ROR2: variants seen among roughly 807,000 people sequenced by gnomAD.
The protein encoded by ROR2 is tyrosine-protein kinase transmembrane receptor ROR2.
In ROR2, 33 loss-of-function variants were observed where a neutral mutation model predicts 74.9. That is an observed-to-expected ratio of 0.44 (90% CI 0.33 to 0.59). The LOEUF (loss-of-function observed/expected upper bound fraction) is 0.59, where lower values mean the gene tolerates loss of function less well. Ranked by LOEUF, ROR2 falls within the 20% of genes least tolerant of loss-of-function variation. The pLI, the probability that ROR2 is intolerant of heterozygous loss-of-function variation, is 0.02. For synonymous variants in ROR2, 586 were observed against 558.7 expected (o/e 1.05, Z -0.69); for missense variants, 1,216 against 1,313.8 (o/e 0.93, Z 1.15).
chr9:91,788,347 CA>C (rs1243799067), intron 1 of ROR2, among the ~76,000 whole-genome samples: 1 of 152,140 alleles, frequency 6.6e-6, no homozygotes, highest in Non-Finnish European at 1.5e-5. Context: ...TTAATTTACA[CA>C]TTTGAGAAAC....
chr9:91,810,794 G>A (rs1827725766), intron 1 of ROR2, among the ~76,000 whole-genome samples: 1 of 152,172 alleles, frequency 6.6e-6, no homozygotes, highest in Non-Finnish European at 1.5e-5. Context: ...TGGAGTCTAC[G>A]TTTGCGGGTC....
intron 5 of ROR2, among the ~76,000 whole-genome samples, chr9:91,734,828 G>C (rs939739280): frequency 1.3e-5 from 2 of 152,216 alleles, no homozygotes; most frequent in African/African-American, 4.8e-5. Context: ...TGTCCTGATT[G>C]TGTGCAGGCA....
chr9:91,811,322 C>G (rs1827744919), intron 1 of ROR2, among the ~76,000 whole-genome samples: 1 of 152,212 alleles, frequency 6.6e-6, no homozygotes, highest in Admixed American at 6.5e-5. Flanking sequence ...TGGGGACATC[C>G]TTTTGTGTGG....
chr9:91,910,344 C>T (rs1564032714), intron 1 of ROR2, among the ~76,000 whole-genome samples: 1 of 152,200 alleles, frequency 6.6e-6, no homozygotes, highest in Admixed American at 6.5e-5. Flanking sequence ...GGGCTTATTA[C>T]TACTATTACT....
chr9:91,885,547 C>T (rs1830245927), intron 1 of ROR2, among the ~76,000 whole-genome samples: 1 of 152,174 alleles, frequency 6.6e-6, no homozygotes, highest in Admixed American at 6.5e-5. Context: ...TGACATGGGA[C>T]CTAAGGGAAG....
intron 1 of ROR2, among the ~76,000 whole-genome samples, chr9:91,927,822 C>T (rs1451807122): frequency 1.3e-5 from 2 of 152,136 alleles, no homozygotes; most frequent in Non-Finnish European, 1.5e-5. Flanking sequence ...CCTCGGCCTC[C>T]CAAAGTGCTA....
intron 1 of ROR2, among the ~76,000 whole-genome samples, chr9:91,937,029 C>CAAAAAAAAAAAAAAAAAAA (rs540672189): frequency 7.6e-5 from 5 of 65,658 alleles, no homozygotes; most frequent in South Asian, 6.7e-4. Flanking sequence ...GACTCCGTCT[C>CAAAAAAAAAAAAAAAAAAA]AAAAAAAAAA....
chr9:91,767,197 C>T (rs1380924857), intron 2 of ROR2, among the ~76,000 whole-genome samples: 1 of 152,096 alleles, frequency 6.6e-6, no homozygotes, highest in Non-Finnish European at 1.5e-5. Context: ...GCCTCAGCCT[C>T]CCGAGTAGCT....
At chr9:91,922,650 T>G (rs954530101) in intron 1 of ROR2, among the ~76,000 whole-genome samples, 1 of 152,258 alleles carries the variant, frequency 6.6e-6, no homozygotes, top group African/African-American at 2.4e-5. Flanking sequence ...AGACAGGATT[T>G]CACCATGTTA....
chr9:91,745,426 AT>A (rs72432798), intron 4 of ROR2, among the ~76,000 whole-genome samples: 242 of 99,734 alleles, frequency 2.4e-3, no homozygotes, highest in African/African-American at 7.9e-3. Flanking sequence ...TGCCCAGCCT[AT>A]TTTTTTTTTT....
At chr9:91,759,429 G>A (rs1825850209) in intron 2 of ROR2, among the ~76,000 whole-genome samples, 2 of 152,296 alleles carry the variant, frequency 1.3e-5, no homozygotes, top group South Asian at 4.1e-4. Context: ...ACAACATAAA[G>A]CTGGAAGGTC....
chr9:91,835,424 T>G (rs1828582561), intron 1 of ROR2, among the ~76,000 whole-genome samples: 2 of 152,144 alleles, frequency 1.3e-5, no homozygotes, highest in African/African-American at 4.8e-5. Context: ...CCCCCAGCCC[T>G]CATTCCATAT....
At chr9:91,794,262 C>T (rs529123583) in intron 1 of ROR2, among the ~76,000 whole-genome samples, 4 of 152,234 alleles carry the variant, frequency 2.6e-5, no homozygotes, top group Non-Finnish European at 5.9e-5. Context: ...ACCACTTCTC[C>T]TTAGTTATTT....
rs1035669376 is a variant in ROR2, at chr9:91,723,773, G to A, written c.2721C>T (p.Ser907=). The change falls in exon 9 of 9, where the codon AGC becomes AGT. Residue 907 remains serine, a synonymous_variant. Coordinates refer to ENST00000375708, the MANE Select transcript of ROR2 (RefSeq NM_004560.4). The part of the protein sequence containing the change: ...TQNAPEDGAQ[S]TVQEAEEEEE... ...CCTCCTCCTCTGCTTCCTGCACGGT[G>A]CTCTGGGCCCCATCTTCTGGGGCGT... 2 of 1,613,598 alleles carry A rather than the reference G, an allele frequency of 1.2e-6. No individual in the cohort carries two copies. The highest frequency in any genetic ancestry group is 2.7e-5 in the African/African-American group (2 of 74,922).
chr9:91,750,338 A>G (rs1825561120), intron 4 of ROR2, among the ~76,000 whole-genome samples: 1 of 152,256 alleles, frequency 6.6e-6, no homozygotes, highest in African/African-American at 2.4e-5. Flanking sequence ...AAATACAGTT[A>G]GTTTTCTGAG....
At chr9:91,852,915 G>A (rs527864031) in intron 1 of ROR2, among the ~76,000 whole-genome samples, 1 of 152,210 alleles carries the variant, frequency 6.6e-6, no homozygotes, top group Non-Finnish European at 1.5e-5. Flanking sequence ...GTGCAGCACT[G>A]GACACGGCTG....
At chr9:91,869,865 A>G (rs963670269) in intron 1 of ROR2, among the ~76,000 whole-genome samples, 4 of 152,208 alleles carry the variant, frequency 2.6e-5, no homozygotes, top group African/African-American at 9.6e-5. Flanking sequence ...AAGAAGAAAA[A>G]AAAATAAGCA....
At chr9:91,828,443 G>A (rs941506131) in intron 1 of ROR2, among the ~76,000 whole-genome samples, 14 of 152,294 alleles carry the variant, frequency 9.2e-5, no homozygotes, top group African/African-American at 3.1e-4. Flanking sequence ...GCAGGGTGCG[G>A]TGGCTCACAC....
At chr9:91,846,182 C>T (rs2119233642) in intron 1 of ROR2, among the ~76,000 whole-genome samples, 1 of 152,312 alleles carries the variant, frequency 6.6e-6, no homozygotes, top group African/African-American at 2.4e-5. Flanking sequence ...GCTTGGAATA[C>T]TGTAGAGTGG....
Sources: allele counts gnomAD v4.1 joint callset (sites outside exome capture counted in the v4.1 genomes callset), GRCh38; gene constraint gnomAD v4.1.1; transcripts MANE v1.5; gene names NCBI Gene and HGNC (gene_info 2026-07-23, HGNC 2026-07-21).